Variants in RPTOR observed in about 807,000 individuals in gnomAD.
RPTOR encodes regulatory associated protein of MTOR complex 1.
Under a neutral mutation model 169.9 loss-of-function variants are expected in RPTOR, and 21 were observed. That is an observed-to-expected ratio of 0.12 (90% CI 0.09 to 0.18). The LOEUF (loss-of-function observed/expected upper bound fraction) is 0.18, where lower values mean the gene tolerates loss of function less well. Ranked by LOEUF, RPTOR falls within the 10% of genes least tolerant of loss-of-function variation. RPTOR has a pLI of 1.00. For missense variants in RPTOR, 1,133 were observed against 1,855.9 expected, an observed-to-expected ratio of 0.61 and a Z score of 7.16; for synonymous variants, 732 against 753.2, an observed-to-expected ratio of 0.97 and a Z score of 0.46.
At chr17:80,596,660 G>C (rs936229134) in intron 1 of RPTOR, among the ~76,000 whole-genome samples, 1 of 152,112 alleles carries the variant, frequency 6.6e-6, no homozygotes, top group Non-Finnish European at 1.5e-5. Context: ...TGTTTAGAAA[G>C]CATTTTGGAG....
At chr17:80,594,290 C>T (rs2065128925) in intron 1 of RPTOR, among the ~76,000 whole-genome samples, 1 of 152,048 alleles carries the variant, frequency 6.6e-6, no homozygotes, top group Non-Finnish European at 1.5e-5. Flanking sequence ...GATGGGGTTT[C>T]ACCATGTTGG....
At chr17:80,616,290 T>C (rs1282374847) in intron 1 of RPTOR, among the ~76,000 whole-genome samples, 1 of 141,614 alleles carries the variant, frequency 7.1e-6, no homozygotes, top group African/African-American at 2.6e-5. Flanking sequence ...TTATTGAAAA[T>C]TGAAAATCTT....
At position 80,915,887 on chromosome 17, in the gene RPTOR, A is replaced by G. The variant is rs555310359; in HGVS notation, c.2521-6837A>G. Among the ~76,000 whole-genome samples, 202 of 151,900 alleles carry G rather than the reference A, an allele frequency of 1.3e-3. 1 individual carries two copies. Among genetic ancestry groups the G allele is most frequent in the African/African-American group, 4.8e-3 (199 of 41,416 alleles). ...GAGCTGAGCAGACGTCGGGAAAACC[A>G]GCTGCAGAGAGGAGTTAACCACTCC... On this transcript the variant is annotated intron_variant, in intron 21 of 33. Transcript: ENST00000306801.
chr17:80,576,627 G>T (rs1192182940), intron 1 of RPTOR, among the ~76,000 whole-genome samples: 2 of 152,204 alleles, frequency 1.3e-5, no homozygotes, highest in Non-Finnish European at 2.9e-5. Context: ...TTGACTGAAA[G>T]ACTTCAGAAT....
intron 23 of RPTOR, 86 bp from the exon 24 acceptor site, chr17:80,925,284 C>A: frequency 1.7e-6 from 2 of 1,194,308 alleles, no homozygotes; most frequent in East Asian, 2.5e-5. Context: ...CGCCTTTGTC[C>A]CCAGCTGCAG....
intron 1 of RPTOR, among the ~76,000 whole-genome samples, chr17:80,620,067 G>A (rs2065343554): frequency 6.6e-6 from 1 of 152,112 alleles, no homozygotes; most frequent in African/African-American, 2.4e-5. Flanking sequence ...AAAATCCTTA[G>A]CACCTGAGAG....
rs576123449 is a variant in RPTOR, at chr17:80,903,658, A to G, written c.2402-5153A>G. On this transcript the variant is annotated intron_variant, in intron 20 of 33. Transcript: ENST00000306801. ...CTCACCTTCTTGGGTACCTAGAACT[A>G]CAGTTTCCTTCCTTTTTTCCAAGGC... 1.8e-4 allele frequency among the ~76,000 whole-genome samples: 28 copies of G among 152,258 alleles called. No homozygotes were observed. The South Asian group carries it at 5.6e-3, about 30-fold the overall frequency.
At position 80,878,956 on chromosome 17, in the gene RPTOR, G is replaced by C. The variant is rs377397253; in HGVS notation, c.1510-1459G>C. 2.0e-5 allele frequency among the ~76,000 whole-genome samples: 3 copies of C among 152,016 alleles called. No individual in the cohort carries two copies. The highest frequency in any genetic ancestry group is 7.2e-5 in the African/African-American group (3 of 41,386). ...CGGAAGCCCCTTCCTCTAGGGGCCCGTCCCTCCTCCTTCCCCAGGCCCCGT... is the reference window on the plus strand; with the variant it reads ...CGGAAGCCCCTTCCTCTAGGGGCCCCTCCCTCCTCCTTCCCCAGGCCCCGT... On this transcript the variant is annotated intron_variant, in intron 13 of 33. Transcript: ENST00000306801. The surrounding 1 kb of genome is among the most constrained non-coding windows in gnomAD (Gnocchi z 4.1).
intron 7 of RPTOR, among the ~76,000 whole-genome samples, chr17:80,806,952 T>C (rs1429492490): frequency 1.3e-5 from 2 of 152,140 alleles, no homozygotes; most frequent in African/African-American, 4.8e-5. Context: ...CCCTCAGAAC[T>C]GAAGAAGGCC....
intron 7 of RPTOR, among the ~76,000 whole-genome samples, chr17:80,801,327 T>C (rs905408660): frequency 6.6e-6 from 1 of 152,156 alleles, no homozygotes; most frequent in African/African-American, 2.4e-5. Flanking sequence ...GTTATCTACC[T>C]TTTAAAAGAT....
chr17:80,674,361 C>G (rs2065844977), intron 3 of RPTOR, among the ~76,000 whole-genome samples: 1 of 152,132 alleles, frequency 6.6e-6, no homozygotes, highest in East Asian at 1.9e-4. Flanking sequence ...GAAGAAGACC[C>G]CACTGTTTTC....
intron 28 of RPTOR, among the ~76,000 whole-genome samples, chr17:80,955,475 G>T (rs1300550445): frequency 6.6e-6 from 1 of 152,158 alleles, no homozygotes; most frequent in African/African-American, 2.4e-5. Context: ...AAATCAAGAG[G>T]AAATCTTCCT....
rs567032538 is a variant in RPTOR, at chr17:80,568,073, A to AT, written c.162+22289dup. 3.3e-3 allele frequency among the ~76,000 whole-genome samples: 507 copies of AT among 151,562 alleles called. 1 individual carries two copies. The highest frequency in any genetic ancestry group is 5.6e-3 in the Non-Finnish European group (378 of 67,872). ...AGGCATGCGCTACTATGCCCAGCTA[A>AT]TTTTTTTGTGTTTTTAGTAGAGATG... On this transcript the variant is annotated intron_variant, in intron 1 of 33. Coordinates refer to ENST00000306801, the MANE Select transcript of RPTOR (RefSeq NM_020761.3).
intron 11 of RPTOR, 44 bp downstream of exon 11, chr17:80,846,618 A>G (rs2067733874): frequency 1.3e-6 from 2 of 1,566,384 alleles, no homozygotes; most frequent in Non-Finnish European, 8.8e-7. Context: ...GTTCCTCAGG[A>G]AGGAAGCCAG....
chr17:80,754,361 C>CTT lies in RPTOR; in HGVS notation c.830+178_830+179dup, dbSNP rs1441487418. Among the ~76,000 whole-genome samples, 1 of 152,176 alleles carries CTT rather than the reference C, an allele frequency of 6.6e-6. No individual in the cohort carries two copies. Among genetic ancestry groups the CTT allele is most frequent in the Non-Finnish European group, 1.5e-5 (1 of 68,032 alleles). ...TCCAGGTGGAGGTTTGGGTTCTACTCTTTGAGAGCTCAAGATCCTTCTTCC... is the reference window on the plus strand; with the variant it reads ...TCCAGGTGGAGGTTTGGGTTCTACTCTTTTTGAGAGCTCAAGATCCTTCTTCC... On this transcript the variant is annotated intron_variant, in intron 6 of 33. Coordinates refer to ENST00000306801, the MANE Select transcript of RPTOR (RefSeq NM_020761.3). The surrounding 1 kb of genome is among the most constrained non-coding windows in gnomAD (Gnocchi z 4.2).
At chr17:80,909,008 G>A in intron 21 of RPTOR, 79 bp downstream of exon 21, 1 of 939,040 alleles carries the variant, frequency 1.1e-6, no homozygotes, top group Non-Finnish European at 1.7e-6. Context: ...CTCCAGGTGT[G>A]CCCGGGTCCA....
At position 80,705,953 on chromosome 17, in the gene RPTOR, C is replaced by A. The variant is rs187641605; in HGVS notation, c.349-1888C>A. On this transcript the variant is annotated intron_variant, in intron 3 of 33. Transcript: ENST00000306801. ...ATCTGTGTGCCCAGCCTGGGCACAG[C>A]GGGAGCCCAGGCCTTCCTTCAAACG... Among the ~76,000 whole-genome samples the A allele has an allele frequency of 3.9e-5, 6 of 152,124 alleles. 1 individual carries two copies. Among genetic ancestry groups the A allele is most frequent in the Admixed American group, 2.0e-4 (3 of 15,284 alleles).
Position 80,609,418 on chromosome 17 carries a change from A to C in RPTOR, c.163-16273A>C, listed in dbSNP as rs934234632. Among the ~76,000 whole-genome samples, 11 of 152,224 alleles carry C rather than the reference A, an allele frequency of 7.2e-5. No individual in the cohort carries two copies. Among genetic ancestry groups the C allele is most frequent in the Admixed American group, 5.9e-4 (9 of 15,278 alleles). On this transcript the variant is annotated intron_variant, in intron 1 of 33. Coordinates refer to ENST00000306801, the MANE Select transcript of RPTOR (RefSeq NM_020761.3). The surrounding 1 kb of genome is among the most constrained non-coding windows in gnomAD (Gnocchi z 4.8). ...CTTCCAGATTAGTAGTTTAAGCCAGAAAACAATGTTGATACGTCTTGAGAT... is the reference window on the plus strand; with the variant it reads ...CTTCCAGATTAGTAGTTTAAGCCAGCAAACAATGTTGATACGTCTTGAGAT...
intron 1 of RPTOR, among the ~76,000 whole-genome samples, chr17:80,600,830 C>T (rs2143446958): frequency 6.6e-6 from 1 of 151,990 alleles, no homozygotes; most frequent in South Asian, 2.1e-4. Flanking sequence ...ATCGTATTTT[C>T]CAGAGATGAC....
Sources: gnomAD v4.1 joint callset for allele counts (sites outside exome capture counted in the v4.1 genomes callset) on GRCh38, gnomAD v4.1.1 for gene constraint, Gnocchi (gnomAD v3.1) non-coding constraint, MANE v1.5 for transcripts, NCBI Gene and HGNC (gene_info 2026-07-23, HGNC 2026-07-21) for gene names.